PARP15: variants seen among roughly 807,000 people sequenced by gnomAD.
PARP15 encodes the protein protein mono-ADP-ribosyltransferase PARP15.
Under a neutral mutation model 62.1 loss-of-function variants are expected in PARP15, and 50 were observed. That is an observed-to-expected ratio of 0.81 (90% confidence interval 0.64 to 1.02). PARP15 has a LOEUF of 1.02. Among genes scored for constraint, PARP15 ranks in the 50% least tolerant of loss-of-function variants. The pLI, the probability that PARP15 is intolerant of heterozygous loss-of-function variation, is 0.00. For missense variants in PARP15, 820 were observed against 826.5 expected, an observed-to-expected ratio of 0.99 and a Z score of 0.10; for synonymous variants, 309 against 293.1, an observed-to-expected ratio of 1.05 and a Z score of -0.55.
rs187446412 is a variant in PARP15, at chr3:122,615,210, T to C, written c.772-569T>C. The C allele has an allele frequency of 5.7e-4, 727 of 1,269,252 alleles. 4 individuals are homozygous for C. In the African/African-American group the frequency reaches 0.011, roughly 19 times the overall value. 78.6% of individuals were successfully genotyped at this position (1,269,252 alleles called of 1,614,324 possible). ...TTATCACTCACACGACCAAAATGCC[T>C]TTTTGTTTTTTCCATTTCTAAACAA... On this transcript the variant is annotated intron_variant, in intron 4 of 11. Coordinates refer to ENST00000464300, the MANE Select transcript of PARP15 (RefSeq NM_001113523.3).
intron 8 of PARP15, among the ~76,000 whole-genome samples, chr3:122,624,044 A>G (rs559636132): frequency 3.9e-5 from 6 of 152,194 alleles, no homozygotes; most frequent in East Asian, 1.9e-4. Flanking sequence ...TCAGCTACTC[A>G]GGAGGCTGAG....
intron 1 of PARP15, among the ~76,000 whole-genome samples, chr3:122,598,421 C>T (rs1205187409): frequency 1.3e-5 from 2 of 152,122 alleles, no homozygotes; most frequent in Non-Finnish European, 2.9e-5. Context: ...GGCTTGACTG[C>T]GACTGGAGAG....
intron 1 of PARP15, among the ~76,000 whole-genome samples, chr3:122,589,524 T>G (rs1190941855): frequency 6.6e-6 from 1 of 152,218 alleles, no homozygotes; most frequent in Non-Finnish European, 1.5e-5. Flanking sequence ...ATCGTTGCCT[T>G]ATTTTATATT....
chr3:122,635,594 G>T (rs563211267), intron 11 of PARP15, among the ~76,000 whole-genome samples: 1 of 151,904 alleles, frequency 6.6e-6, no homozygotes, highest in Non-Finnish European at 1.5e-5. Flanking sequence ...TTTTATTTTT[G>T]TAGAGAAGGG....
chr3:122,633,309 T>C (rs1158656210), intron 10 of PARP15, among the ~76,000 whole-genome samples: 1 of 152,214 alleles, frequency 6.6e-6, no homozygotes, highest in Non-Finnish European at 1.5e-5. Flanking sequence ...TGAATGAGCT[T>C]AATTCCTGAG....
At chr3:122,593,084 T>TTATCTATCTATC (rs1553727428) in intron 1 of PARP15, among the ~76,000 whole-genome samples, 98 of 64,028 alleles carry the variant, frequency 1.5e-3, no homozygotes, top group African/African-American at 3.1e-3. Context: ...AAAGATAAAA[T>TTATCTATCTATC]TATCTGTCTA....
At chr3:122,578,439 A>AT (rs897563050) in intron 1 of PARP15, among the ~76,000 whole-genome samples, 20 of 151,856 alleles carry the variant, frequency 1.3e-4, no homozygotes, top group Non-Finnish European at 2.6e-4. Flanking sequence ...GAATCTAATT[A>AT]TTTTTTTTCA....
chr3:122,586,723 C>A (rs561984615), intron 1 of PARP15, among the ~76,000 whole-genome samples: 1 of 151,814 alleles, frequency 6.6e-6, no homozygotes, highest in East Asian at 1.9e-4. Context: ...ACACCCCACC[C>A]CCACACAATC....
In PARP15 at chr3:122,577,757, T is replaced by C. The variant is rs750888357; in HGVS notation, c.90T>C (p.Thr30=). ...RELMHGVAGV[T]SRAGRDREAG... ...TTATGCACGGAGTTGCAGGTGTTAC[T>C]TCCAGAGCCGGACGAGATCGGGAGG... is the stretch of plus-strand genomic sequence containing the variant. Residue 30 remains threonine, a synonymous_variant, in exon 1 of 12, where the codon ACT becomes ACC. Coordinates refer to ENST00000464300, the MANE Select transcript of PARP15 (RefSeq NM_001113523.3). 6.4e-6 allele frequency: 10 copies of C among 1,551,548 alleles called. No individual in the cohort carries two copies. In the African/African-American group the frequency reaches 1.4e-4, roughly 21 times the overall value.
intron 3 of PARP15, among the ~76,000 whole-genome samples, chr3:122,611,007 C>A (rs553707278): frequency 6.6e-6 from 1 of 152,218 alleles, no homozygotes; most frequent in South Asian, 2.1e-4. Context: ...TATTACATTC[C>A]ATGGAGAATT....
At chr3:122,613,472 T>A (rs1176446787) in intron 4 of PARP15, among the ~76,000 whole-genome samples, 2 of 152,228 alleles carry the variant, frequency 1.3e-5, no homozygotes, top group Non-Finnish European at 2.9e-5. Flanking sequence ...CAAGCTAATC[T>A]GTAATAAATA....
chr3:122,592,627 A>T (rs944507549), intron 1 of PARP15, among the ~76,000 whole-genome samples: 1 of 152,040 alleles, frequency 6.6e-6, no homozygotes, highest in Non-Finnish European at 1.5e-5. Flanking sequence ...TTAAAAAAAA[A>T]AAAAGAAAAC....
rs150525256 is a variant in PARP15, at chr3:122,585,607, C to T, written c.186+7754C>T. 1.8e-4 allele frequency among the ~76,000 whole-genome samples: 27 copies of T among 152,298 alleles called. No homozygotes were observed. In the East Asian group the frequency reaches 5.0e-3, roughly 28 times the overall value. ...CACACTTGGGTGTTCAGCTACGTGA[C>T]CTTCAACCTGGGGGTCTATGGCAAC... is the stretch of plus-strand genomic sequence containing the variant. On this transcript the variant is annotated intron_variant, in intron 1 of 11. Transcript: ENST00000464300.
At chr3:122,598,125 A>G (rs1934499900) in intron 1 of PARP15, among the ~76,000 whole-genome samples, 1 of 152,308 alleles carries the variant, frequency 6.6e-6, no homozygotes, top group East Asian at 1.9e-4. Context: ...GCTCTCAGCA[A>G]TTACTTTGCT....
At chr3:122,580,902 G>A (rs1188341233) in intron 1 of PARP15, among the ~76,000 whole-genome samples, 1 of 152,140 alleles carries the variant, frequency 6.6e-6, no homozygotes, top group African/African-American at 2.4e-5. Context: ...GCTGGTCCTG[G>A]AAGATTATAA....
chr3:122,625,701 C>T (rs537514437), intron 8 of PARP15, among the ~76,000 whole-genome samples: 1 of 152,314 alleles, frequency 6.6e-6, no homozygotes, highest in Admixed American at 6.5e-5. Context: ...AGAAGACAGC[C>T]ATCTACGGGT....
intron 1 of PARP15, chr3:122,594,636 A>G (rs1934196816): frequency 1.1e-6 from 1 of 904,904 alleles, no homozygotes; most frequent in Non-Finnish European, 1.3e-6. Context: ...AGAAATTAGC[A>G]TCTAATTTTA....
intron 1 of PARP15, among the ~76,000 whole-genome samples, chr3:122,602,925 G>A (rs372754756): frequency 1.3e-5 from 2 of 152,162 alleles, no homozygotes; most frequent in South Asian, 4.1e-4. Context: ...TGCCATTTTA[G>A]GAAGACACTC....
chr3:122,612,847 C>T lies in PARP15; in HGVS notation c.544-194C>T, dbSNP rs186282394. ...GCAGCCATTCCCACGCTGTTGGACC[C>T]GCCTCTCCTGAATGAGTGTGACTCT... is the stretch of plus-strand genomic sequence containing the variant. On this transcript the variant is annotated intron_variant, in intron 3 of 11. Transcript: ENST00000464300. Among the ~76,000 whole-genome samples the T allele has an allele frequency of 3.8e-3, 582 of 152,208 alleles. 4 individuals carry two copies. The highest frequency in any genetic ancestry group is 0.024 in the Middle Eastern group (7 of 294).
Sources: gnomAD v4.1 joint callset for allele counts (sites outside exome capture counted in the v4.1 genomes callset) on GRCh38, gnomAD v4.1.1 for gene constraint, MANE v1.5 for transcripts, NCBI Gene and HGNC (gene_info 2026-07-23, HGNC 2026-07-21) for gene names.